GRIA3: variants seen among roughly 807,000 people sequenced by gnomAD.
The protein encoded by GRIA3 is glutamate ionotropic receptor AMPA type subunit 3.
A neutral mutation model predicts 63.0 loss-of-function variants in GRIA3; 3 were observed. That is an observed-to-expected ratio of 0.05 (90% CI 0.02 to 0.12). The LOEUF (loss-of-function observed/expected upper bound fraction) is 0.12, where lower values mean the gene tolerates loss of function less well. GRIA3 is among the 10% of genes least tolerant of loss of function. The pLI, the probability that GRIA3 is intolerant of heterozygous loss-of-function variation, is 1.00. For missense variants in GRIA3, 347 were observed against 700.9 expected (o/e 0.50, Z 5.70); for synonymous variants, 274 against 257.9 (o/e 1.06, Z -0.60).
chrX:123,262,202 G>A (rs1024523923), intron 3 of GRIA3, among the ~76,000 whole-genome samples: 1 of 111,777 alleles, frequency 8.9e-6, no homozygotes, highest in Admixed American at 9.5e-5. Flanking sequence ...AGTTTAACAA[G>A]ATAATGCCTC....
At chrX:123,395,339 A>T (rs1442660037) in intron 6 of GRIA3, among the ~76,000 whole-genome samples, 1 of 112,397 alleles carries the variant, frequency 8.9e-6, no homozygotes, top group Non-Finnish European at 1.9e-5. Context: ...TTTAAAATCC[A>T]GTGCTTGGAA....
intron 2 of GRIA3, among the ~76,000 whole-genome samples, chrX:123,242,811 G>A (rs1338997208): frequency 8.9e-6 from 1 of 112,519 alleles, no homozygotes; most frequent in African/African-American, 3.2e-5. Context: ...GGAAGTGACC[G>A]GCCCAAGGCC....
chrX:123,427,366 T>A, intron 11 of GRIA3, among the ~76,000 whole-genome samples: 1 of 110,841 alleles, frequency 9.0e-6, no homozygotes, highest in Non-Finnish European at 1.9e-5. Flanking sequence ...AAGTTCTGAT[T>A]TAATTGGTGG....
chrX:123,196,224 C>T (rs1205777222), intron 2 of GRIA3, among the ~76,000 whole-genome samples: 1 of 111,449 alleles, frequency 9.0e-6, no homozygotes. Context: ...AACTTTAGAC[C>T]AGGGTCTAAA....
intron 2 of GRIA3, among the ~76,000 whole-genome samples, chrX:123,235,225 G>A (rs749478221): frequency 1.1e-4 from 12 of 111,450 alleles, no homozygotes; most frequent in Admixed American, 1.9e-4. Context: ...GCTTGACTTT[G>A]TAGTATCCTC....
chrX:123,285,811 T>C (rs1162651274), intron 3 of GRIA3, among the ~76,000 whole-genome samples: 1 of 110,451 alleles, frequency 9.1e-6, no homozygotes, highest in Non-Finnish European at 1.9e-5. Context: ...TCCCACACAA[T>C]AACAGTGGGA....
intron 2 of GRIA3, among the ~76,000 whole-genome samples, chrX:123,201,916 T>C (rs1187441588): frequency 8.9e-6 from 1 of 111,962 alleles, no homozygotes; most frequent in Non-Finnish European, 1.9e-5. Context: ...CTTGGCCAGA[T>C]TCCCAAGGGA....
At chrX:123,366,267 T>C (rs2045209624) in intron 5 of GRIA3, among the ~76,000 whole-genome samples, 1 of 111,460 alleles carries the variant, frequency 9.0e-6, no homozygotes, top group Non-Finnish European at 1.9e-5. Flanking sequence ...ACCCAGCCCC[T>C]ACTCATGATG....
chrX:123,424,827 A>G (rs2045581834), intron 11 of GRIA3, among the ~76,000 whole-genome samples: 1 of 112,204 alleles, frequency 8.9e-6, no homozygotes, highest in Non-Finnish European at 1.9e-5. Flanking sequence ...ATTTTAGATC[A>G]GACTGACACA....
chrX:123,435,195 T>C (rs1329274476), intron 12 of GRIA3, among the ~76,000 whole-genome samples: 14 of 112,081 alleles, frequency 1.2e-4, no homozygotes, highest in Non-Finnish European at 2.4e-4. Context: ...GGCCAATCTC[T>C]GGGTATGCTC....
intron 3 of GRIA3, among the ~76,000 whole-genome samples, chrX:123,290,113 G>A (rs1403291832): frequency 1.8e-5 from 2 of 110,813 alleles, no homozygotes; most frequent in African/African-American, 6.6e-5. Context: ...AAATAACCGA[G>A]AGCAACATTA....
intron 5 of GRIA3, among the ~76,000 whole-genome samples, chrX:123,370,258 C>G (rs963574599): frequency 4.1e-5 from 4 of 96,751 alleles, no homozygotes; most frequent in African/African-American, 1.2e-4. Context: ...TCCTACTTTT[C>G]CTTCTCCCTC....
At chrX:123,480,425 G>T (rs901853652) in intron 14 of GRIA3, among the ~76,000 whole-genome samples, 2 of 111,583 alleles carry the variant, frequency 1.8e-5, no homozygotes, top group African/African-American at 6.5e-5. Context: ...CATTTCCAAA[G>T]TTATAAAATA....
rs747446307 is a variant in GRIA3 at position 123,216,354 on chromosome X, A to T, written c.268+30364A>T. 2.4e-4 allele frequency among the ~76,000 whole-genome samples: 27 copies of T among 111,995 alleles called. No individual in the cohort carries two copies. The South Asian group carries it at 9.8e-3, about 41-fold the overall frequency. On this transcript the variant is annotated intron_variant, in intron 2 of 15. Coordinates refer to ENST00000620443, the MANE Select transcript of GRIA3 (RefSeq NM_007325.5). ...GCATTTTTTGTGCTGTGTTGTGGGG[A>T]GGAAGGGATGTGAGGTTTCAGCGAT...
At chrX:123,275,865 T>C (rs2044551659) in intron 3 of GRIA3, among the ~76,000 whole-genome samples, 1 of 112,288 alleles carries the variant, frequency 8.9e-6, no homozygotes, top group Non-Finnish European at 1.9e-5. Flanking sequence ...ATGTGCCTTT[T>C]CGTGTATCAT....
intron 11 of GRIA3, among the ~76,000 whole-genome samples, chrX:123,420,577 T>C (rs1446926178): frequency 9.0e-6 from 1 of 111,291 alleles, no homozygotes; most frequent in Non-Finnish European, 1.9e-5. Flanking sequence ...GTTGAGACAA[T>C]ACTAAAGAGT....
chrX:123,214,235 A>G (rs956664153), intron 2 of GRIA3, among the ~76,000 whole-genome samples: 3 of 112,162 alleles, frequency 2.7e-5, no homozygotes, highest in Non-Finnish European at 5.6e-5. Context: ...AATTTAATTA[A>G]TATTAACAAC....
chrX:123,219,324 A>G (rs1272472501), intron 2 of GRIA3, among the ~76,000 whole-genome samples: 1 of 111,896 alleles, frequency 8.9e-6, no homozygotes, highest in East Asian at 2.8e-4. Flanking sequence ...CTGTTAGTGC[A>G]TTTTTCCTGG....
intron 15 of GRIA3, among the ~76,000 whole-genome samples, chrX:123,484,525 G>A (rs2045930997): frequency 8.9e-6 from 1 of 111,832 alleles, no homozygotes; most frequent in African/African-American, 3.3e-5. Context: ...CTATCGCCCA[G>A]GCTGGAGTGC....
Sources: gnomAD v4.1 joint callset for allele counts (sites outside exome capture counted in the v4.1 genomes callset) on GRCh38, gnomAD v4.1.1 for gene constraint, MANE v1.5 for transcripts, NCBI Gene and HGNC (gene_info 2026-07-23, HGNC 2026-07-21) for gene names.